The following SETD3 variants were observed in gnomAD, a reference collection of about 807,000 sequenced individuals.
SETD3 encodes the protein actin-histidine N-methyltransferase.
A neutral mutation model predicts 63.0 loss-of-function variants in SETD3; 19 were observed. The ratio of observed to expected loss-of-function variants is 0.30; its 90% CI spans 0.21 to 0.44. The LOEUF is 0.44. Ranked by LOEUF, SETD3 falls within the 20% of genes least tolerant of loss-of-function variation. The probability of loss-of-function intolerance (pLI) is 1.00; values close to 1 mark genes in which losing one functional copy is unlikely to be tolerated. For missense variants in SETD3, 587 were observed against 728.5 expected (o/e 0.81, Z 2.24); for synonymous variants, 286 against 264.1 (o/e 1.08, Z -0.80).
chr14:99,398,650 C>G lies in SETD3; in HGVS notation c.*29G>C, dbSNP rs776503920. ...GGACTGTCCGTCAACTCCTGCTCCA[C>G]TGGATCCCCCATCCAGCTTCACCTC... On this transcript the variant is annotated 3_prime_UTR_variant, in exon 13 of 13. Transcript: ENST00000331768. 1 of 1,598,988 alleles carries G rather than the reference C, an allele frequency of 6.3e-7. No individual in the cohort carries two copies. The highest frequency in any genetic ancestry group is 1.1e-5 in the South Asian group (1 of 90,066).
intron 6 of SETD3, among the ~76,000 whole-genome samples, chr14:99,445,260 C>T (rs1346470092): frequency 6.6e-6 from 1 of 152,228 alleles, no homozygotes; most frequent in Non-Finnish European, 1.5e-5. Context: ...TACGCCCTCA[C>T]TCTCTGTCTA....
At chr14:99,468,309 T>C (rs981963107) in intron 1 of SETD3, among the ~76,000 whole-genome samples, 1 of 152,034 alleles carries the variant, frequency 6.6e-6, no homozygotes, top group Non-Finnish European at 1.5e-5. Context: ...GAACGAGTCC[T>C]CATGGTTAGA....
chr14:99,450,719 A>G (rs974161007), intron 6 of SETD3, among the ~76,000 whole-genome samples: 1 of 152,250 alleles, frequency 6.6e-6, no homozygotes, highest in Non-Finnish European at 1.5e-5. Flanking sequence ...CTTCCCCTGC[A>G]CCTTTCAAAT....
In SETD3 at chr14:99,463,521, C is replaced by T. The variant is rs1332541531; in HGVS notation, c.161G>A (p.Arg54Gln). The change falls in exon 3 of 13, where the codon CGG becomes CAG. Residue 54 changes from arginine (R) to glutamine (Q), a missense_variant. Transcript: ENST00000331768. ...TTTCCGTATTTTCTCAACCAGAGTC[C>T]GGATCTGCACATACTCTTCCCACTC... is the stretch of plus-strand genomic sequence containing the variant. Reference protein sequence around the residue: ...GKEWEEYVQIRTLVEKIRKKQ... With the variant: ...GKEWEEYVQIQTLVEKIRKKQ... The T allele has an allele frequency of 4.3e-6, 7 of 1,613,838 alleles. No individual in the cohort carries two copies. The highest frequency in any genetic ancestry group is 2.7e-5 in the African/African-American group (2 of 74,906).
At chr14:99,465,834 A>G (rs1895341106) in intron 1 of SETD3, 21 bp from the exon 2 acceptor site, 1 of 1,553,570 alleles carries the variant, frequency 6.4e-7, no homozygotes, top group Non-Finnish European at 8.9e-7. Flanking sequence ...GAGAAAGAAA[A>G]GAGAAAAAAA....
chr14:99,425,054 GA>G (rs2139674817), intron 6 of SETD3, among the ~76,000 whole-genome samples: 1 of 152,324 alleles, frequency 6.6e-6, no homozygotes, highest in African/African-American at 2.4e-5. Flanking sequence ...AGGCAGTCCA[GA>G]GGGAGGGCTG....
intron 6 of SETD3, among the ~76,000 whole-genome samples, chr14:99,446,422 T>C (rs1008948904): frequency 3.3e-5 from 5 of 152,150 alleles, no homozygotes; most frequent in African/African-American, 9.7e-5. Context: ...CCTTATATAA[T>C]AGAAAGTAAG....
intron 4 of SETD3, among the ~76,000 whole-genome samples, chr14:99,460,367 T>C (rs555452877): frequency 2.0e-5 from 3 of 152,096 alleles, no homozygotes; most frequent in East Asian, 3.9e-4. Context: ...ATACAACAGA[T>C]GGTCACCCAA....
intron 6 of SETD3, among the ~76,000 whole-genome samples, chr14:99,417,275 T>C (rs1032323502): frequency 2.6e-5 from 4 of 152,242 alleles, no homozygotes; most frequent in African/African-American, 7.2e-5. Context: ...TGATTTAGCA[T>C]GCAGCTTCTC....
chr14:99,481,035 G>A (rs1002775814), upstream of SETD3: 7 of 165,704 alleles, frequency 4.2e-5, no homozygotes, highest in Non-Finnish European at 7.8e-5. Context: ...GGCAGCTCCC[G>A]GGGGCAAGAG....
At chr14:99,451,709 G>A (rs967486214) in intron 6 of SETD3, among the ~76,000 whole-genome samples, 1 of 151,912 alleles carries the variant, frequency 6.6e-6, no homozygotes, top group Admixed American at 6.6e-5. Flanking sequence ...ATTTTGCCAT[G>A]TTGCCCAGAC....
chr14:99,480,031 A>G (rs955045388), intron 1 of SETD3, among the ~76,000 whole-genome samples: 5 of 151,754 alleles, frequency 3.3e-5, no homozygotes, highest in African/African-American at 1.2e-4. Flanking sequence ...GACAAACTCT[A>G]AAGCACCGAA....
intron 11 of SETD3, among the ~76,000 whole-genome samples, chr14:99,400,517 A>G (rs984631469): frequency 2.6e-5 from 4 of 152,160 alleles, no homozygotes; most frequent in African/African-American, 9.7e-5. Flanking sequence ...CACTGTTTCT[A>G]TGAGGGACAC....
chr14:99,413,909 G>C lies in SETD3; in HGVS notation c.701C>G (p.Pro234Arg), dbSNP rs1394317789. 3.7e-6 allele frequency: 6 copies of C among 1,614,018 alleles called. No homozygotes were observed. In the South Asian group the frequency reaches 4.4e-5, roughly 12 times the overall value. Residue 234 changes from proline (P) to arginine (R), a missense_variant, in exon 7 of 13, where the codon CCC becomes CGC. Transcript: ENST00000331768. ...IQTHPHANKL[P>R]LKDSFTYEDY... ...CTCGTAAGTGAAAGAATCCTTCAAGGGTAGTTTGTTGGCATGAGGATGGGT... is the reference window on the plus strand; with the variant it reads ...CTCGTAAGTGAAAGAATCCTTCAAGCGTAGTTTGTTGGCATGAGGATGGGT...
chr14:99,457,931 C>A (rs1894851605), intron 6 of SETD3, among the ~76,000 whole-genome samples: 1 of 152,152 alleles, frequency 6.6e-6, no homozygotes, highest in African/African-American at 2.4e-5. Context: ...CCCTCATTTT[C>A]TTGAAAAATT....
intron 6 of SETD3, among the ~76,000 whole-genome samples, chr14:99,423,937 G>C (rs1314307058): frequency 6.6e-6 from 1 of 151,328 alleles, no homozygotes; most frequent in African/African-American, 2.4e-5. Flanking sequence ...CTGATCAATA[G>C]TGGTAAAATG....
intron 1 of SETD3, among the ~76,000 whole-genome samples, chr14:99,467,518 A>G (rs1296535346): frequency 6.6e-6 from 1 of 152,222 alleles, no homozygotes; most frequent in Non-Finnish European, 1.5e-5. Flanking sequence ...CTGGAGGACC[A>G]TCGAACTTGA....
Position 99,465,686 on chromosome 14 carries a change from C to T in SETD3, c.103+17G>A, listed in dbSNP as rs374526755. ...AGCCACCACATCAAGGCAGGGAGAG[C>T]CCAGAGGAGGACTTACTCTGCAGCA... On this transcript the variant is annotated intron_variant, in intron 2 of 12. Transcript: ENST00000331768. 1.2e-5 allele frequency: 19 copies of T among 1,600,568 alleles called. No individual in the cohort carries two copies. The African/African-American group carries it at 2.1e-4, about 18-fold the overall frequency.
intron 1 of SETD3, among the ~76,000 whole-genome samples, chr14:99,472,230 T>C (rs187274400): frequency 1.2e-4 from 19 of 152,190 alleles, no homozygotes; most frequent in African/African-American, 4.1e-4. Context: ...CTAAAACACA[T>C]AAGTAACTAA....
Sources: allele counts gnomAD v4.1 joint callset (sites outside exome capture counted in the v4.1 genomes callset), GRCh38; gene constraint gnomAD v4.1.1; transcripts MANE v1.5; gene names NCBI Gene and HGNC (gene_info 2026-07-23, HGNC 2026-07-21).